The following SEZ6 variants were observed in gnomAD, a reference collection of about 807,000 sequenced individuals.
The protein encoded by SEZ6 is seizure protein 6 homolog.
Under a neutral mutation model 101.0 loss-of-function variants are expected in SEZ6, and 53 were observed. The ratio of observed to expected loss-of-function variants is 0.52; its 90% CI spans 0.42 to 0.66. The LOEUF is 0.66. Ranked by LOEUF, SEZ6 falls within the 30% of genes least tolerant of loss-of-function variation. The pLI is 0.00. For missense variants in SEZ6, 1,102 were observed against 1,289.4 expected (o/e 0.85, Z 2.23); for synonymous variants, 488 against 512.2 (o/e 0.95, Z 0.64).
In SEZ6 at chr17:29,005,693, C is replaced by T; in HGVS notation, c.55+122G>A. The T allele has an allele frequency of 1.0e-6, 1 of 988,034 alleles. No homozygotes were observed. Among genetic ancestry groups the T allele is most frequent in the Non-Finnish European group, 1.3e-6 (1 of 757,064 alleles). The allele number at this position is 988,034 out of a possible 1,614,324, so 61.2% of individuals were successfully genotyped here. A position where few individuals can be genotyped will look rare whatever the true frequency, so the allele number is the denominator to read the frequency against. ...TGGCCGGCGCCGGGGGCAGCGCAGCCGGCGGGGCGCGGTGCTTGGACTGGG... is the reference window on the plus strand; with the variant it reads ...TGGCCGGCGCCGGGGGCAGCGCAGCTGGCGGGGCGCGGTGCTTGGACTGGG... On this transcript the variant is annotated intron_variant, in intron 1 of 16. Transcript: ENST00000317338. This position sits in a 1 kb window ranked among gnomAD's most constrained non-coding sequence, Gnocchi z 4.8.
chr17:28,979,839 C>T, intron 2 of SEZ6, 26 bp from the exon 3 acceptor site: 3 of 1,587,218 alleles, frequency 1.9e-6, no homozygotes, highest in South Asian at 1.1e-5. Flanking sequence ...AGACACAAAG[C>T]TAGTGCCAGC....
At chr17:28,966,164 TA>T (rs1241787230) in intron 4 of SEZ6, among the ~76,000 whole-genome samples, 2 of 131,454 alleles carry the variant, frequency 1.5e-5, no homozygotes, top group Non-Finnish European at 3.3e-5. Flanking sequence ...AATAAATAAA[TA>T]AAATAAAATA....
chr17:28,971,997 C>T (rs1162986380), intron 3 of SEZ6, among the ~76,000 whole-genome samples: 3 of 152,272 alleles, frequency 2.0e-5, no homozygotes, highest in Non-Finnish European at 2.9e-5. Flanking sequence ...GTGCCAGTAT[C>T]TCTGCGGCCC....
intron 3 of SEZ6, among the ~76,000 whole-genome samples, chr17:28,972,410 C>T (rs2041164346): frequency 2.6e-5 from 4 of 152,148 alleles, no homozygotes; most frequent in Admixed American, 2.6e-4. Context: ...GGCTCAGGGC[C>T]CCTCAGACTG....
intron 1 of SEZ6, among the ~76,000 whole-genome samples, chr17:29,004,309 C>T (rs773968365): frequency 1.3e-4 from 20 of 152,212 alleles, no homozygotes; most frequent in Admixed American, 3.9e-4. Context: ...AAGATAGGTT[C>T]GGAATTCCTA....
Position 28,957,083 on chromosome 17 carries a change from G to T in SEZ6, c.2654C>A (p.Pro885His). The change falls in exon 13 of 17, where the codon CCC becomes CAC. Residue 885 changes from proline (P) to histidine (H), a missense_variant. Pro to His is a moderately conservative substitution (Grantham distance 77). Transcript: ENST00000317338. ...GGGTGGGGGGTCACTCCAATGCGAGGGGTGCCCAGGCACACACTTGATGCT... is the reference window on the plus strand; with the variant it reads ...GGGTGGGGGGTCACTCCAATGCGAGTGGTGCCCAGGCACACACTTGATGCT... ...QASIKCVPGHPSHWSDPPPIC... is the reference protein window; with the variant it reads ...QASIKCVPGHHSHWSDPPPIC... 2 of 1,608,684 alleles carry T rather than the reference G, an allele frequency of 1.2e-6. No individual in the cohort carries two copies. Among genetic ancestry groups the T allele is most frequent in the Non-Finnish European group, 1.7e-6 (2 of 1,176,020 alleles).
At chr17:28,970,619 C>T (rs1270205763) in intron 3 of SEZ6, among the ~76,000 whole-genome samples, 2 of 152,200 alleles carry the variant, frequency 1.3e-5, no homozygotes, top group African/African-American at 4.8e-5. Context: ...CCCAGCTTAT[C>T]GCCGTTACTG....
rs201390120 is a variant in SEZ6, at chr17:28,957,485, C to G, written c.2357G>C (p.Ser786Thr). The G allele has an allele frequency of 6.2e-7, 1 of 1,613,902 alleles. No homozygotes were observed. Among genetic ancestry groups the G allele is most frequent in the African/African-American group, 1.3e-5 (1 of 75,018 alleles). ...DVEHSRRLIS[S>T]PKFPVGATVQ... ...GGTGGCCCCCACGGGAAACTTGGGG[C>G]TGGATATGAGGCGTCGGCTGTGCTC... is the stretch of plus-strand genomic sequence containing the variant. The change falls in exon 12 of 17, where the codon AGC (serine) becomes ACC (threonine). Residue 786 changes from serine to threonine, a missense_variant. Coordinates refer to ENST00000317338, the MANE Select transcript of SEZ6 (RefSeq NM_178860.5).
chr17:28,956,995 G>A (rs1352846760), intron 13 of SEZ6, 50 bp downstream of exon 13: 1 of 1,504,806 alleles, frequency 6.6e-7, no homozygotes, highest in Non-Finnish European at 8.9e-7. Context: ...ATCTTTGCCA[G>A]AGCAGCTCTA....
chr17:28,959,915 C>A lies in SEZ6; in HGVS notation c.1577-23G>T. On this transcript the variant is annotated intron_variant, in intron 7 of 16. Coordinates refer to ENST00000317338, the MANE Select transcript of SEZ6 (RefSeq NM_178860.5). This position sits in a 1 kb window ranked among gnomAD's most constrained non-coding sequence, Gnocchi z 4.4. ...AGGCTGTAAACCACAGGTCCCAGCC[C>A]AGCTCAGCCTTGACTGGTATTAAAC... The A allele has an allele frequency of 6.3e-7, 1 of 1,587,108 alleles. No individual in the cohort carries two copies. The highest frequency in any genetic ancestry group is 2.3e-5 in the East Asian group (1 of 43,396).
At chr17:29,002,561 G>A (rs1471731065) in intron 1 of SEZ6, among the ~76,000 whole-genome samples, 1 of 152,202 alleles carries the variant, frequency 6.6e-6, no homozygotes, top group Non-Finnish European at 1.5e-5. Flanking sequence ...GGAAGCCCGG[G>A]GCTGGTGGGT....
In SEZ6 at chr17:29,005,900, G is replaced by C; in HGVS notation, c.-31C>G. 2 of 1,416,658 alleles carry C rather than the reference G, an allele frequency of 1.4e-6. No individual in the cohort carries two copies. The highest frequency in any genetic ancestry group is 1.9e-6 in the Non-Finnish European group (2 of 1,080,232). 87.8% of individuals were successfully genotyped at this position (1,416,658 alleles called of 1,614,324 possible). Reference sequence around the variant, plus strand: ...TGGTTGCGGCCGCGCCCTGGGCTGGGACCGCGGCGGGAGGGCGGGGGGCTT... The same window carrying C: ...TGGTTGCGGCCGCGCCCTGGGCTGGCACCGCGGCGGGAGGGCGGGGGGCTT... On this transcript the variant is annotated 5_prime_UTR_variant, in exon 1 of 17. Coordinates refer to ENST00000317338, the MANE Select transcript of SEZ6 (RefSeq NM_178860.5). The surrounding 1 kb of genome is among the most constrained non-coding windows in gnomAD (Gnocchi z 4.8).
chr17:28,968,372 C>A, intron 4 of SEZ6, among the ~76,000 whole-genome samples: 1 of 152,250 alleles, frequency 6.6e-6, no homozygotes, highest in Non-Finnish European at 1.5e-5. Context: ...GTTGCTCCCC[C>A]TTGCTGGGCC....
At chr17:28,964,524 T>C (rs1397219794) in intron 4 of SEZ6, among the ~76,000 whole-genome samples, 2 of 152,230 alleles carry the variant, frequency 1.3e-5, no homozygotes, top group African/African-American at 4.8e-5. Flanking sequence ...TCTAGCTTGG[T>C]ATCTCTGGTA....
intron 11 of SEZ6, 67 bp from the exon 12 acceptor site, chr17:28,957,606 C>T (rs2040904899): frequency 6.6e-6 from 10 of 1,516,028 alleles, no homozygotes; most frequent in Middle Eastern, 1.9e-4. Flanking sequence ...TCCACCCTGG[C>T]TTTGTTCCAG....
At chr17:28,963,677 C>T (rs28753890) in intron 5 of SEZ6, among the ~76,000 whole-genome samples, 3 of 152,198 alleles carry the variant, frequency 2.0e-5, no homozygotes, top group African/African-American at 7.2e-5. Flanking sequence ...TTTACTTCTT[C>T]CCCTGGAAAT....
intron 1 of SEZ6, among the ~76,000 whole-genome samples, chr17:28,989,607 GAA>G (rs2041429885): frequency 6.6e-6 from 1 of 152,194 alleles, no homozygotes; most frequent in African/African-American, 2.4e-5. Flanking sequence ...ATAATGGTGA[GAA>G]AATTATGACA....
chr17:29,002,006 G>A (rs905406727), intron 1 of SEZ6, among the ~76,000 whole-genome samples: 3 of 152,188 alleles, frequency 2.0e-5, no homozygotes, highest in Admixed American at 6.5e-5. Context: ...ATGGGAGCCT[G>A]GGTTCTTAAC....
At position 28,981,417 on chromosome 17, in the gene SEZ6, A is replaced by G. The variant is rs1406857717; in HGVS notation, c.678T>C (p.Thr226=). 6.4e-7 allele frequency: 1 copy of G among 1,555,250 alleles called. No homozygotes were observed. Among genetic ancestry groups the G allele is most frequent in the Non-Finnish European group, 8.7e-7 (1 of 1,149,010 alleles). The change falls in exon 2 of 17, where the codon ACT becomes ACC. Residue 226 remains threonine, a synonymous_variant. Transcript: ENST00000317338. Reference sequence around the variant, plus strand: ...TGGTGGTGGTGATGATGGTGGTGGTAGTGGTGGTCTCCTCATCATCTCCTG... The same window carrying G: ...TGGTGGTGGTGATGATGGTGGTGGTGGTGGTGGTCTCCTCATCATCTCCTG... ...TASGDDEETT[T]TTTIITTTIT...
Sources: allele counts gnomAD v4.1 joint callset (sites outside exome capture counted in the v4.1 genomes callset), GRCh38; gene constraint gnomAD v4.1.1; non-coding constraint Gnocchi (gnomAD v3.1); transcripts MANE v1.5; gene names NCBI Gene and HGNC (gene_info 2026-07-23, HGNC 2026-07-21).